XYLT1: variants seen among roughly 807,000 people sequenced by gnomAD.
XYLT1 encodes the protein xylosyltransferase 1.
In XYLT1, 36 loss-of-function variants were observed where a neutral mutation model predicts 91.3. The ratio of observed to expected loss-of-function variants is 0.39; its 90% CI spans 0.30 to 0.52. The LOEUF (loss-of-function observed/expected upper bound fraction) is 0.52, where lower values mean the gene tolerates loss of function less well. Ranked by LOEUF, XYLT1 falls within the 20% of genes least tolerant of loss-of-function variation. The pLI, the probability that XYLT1 is intolerant of heterozygous loss-of-function variation, is 0.68. For missense variants in XYLT1, 1,242 were observed against 1,284.5 expected, an observed-to-expected ratio of 0.97 and a Z score of 0.51; for synonymous variants, 588 against 532.0, an observed-to-expected ratio of 1.11 and a Z score of -1.45.
At chr16:17,378,219 A>C (rs1038615855) in intron 1 of XYLT1, among the ~76,000 whole-genome samples, 1 of 152,206 alleles carries the variant, frequency 6.6e-6, no homozygotes, top group African/African-American at 2.4e-5. Flanking sequence ...CGAATGTTGA[A>C]GGGACAATAT....
rs1966729611 is a variant in XYLT1, at chr16:17,103,187, A to C, written c.*5508T>G. 6.6e-6 allele frequency: 1 copy of C among 152,596 alleles called. No homozygotes were observed. The highest frequency in any genetic ancestry group is 6.5e-5 in the Admixed American group (1 of 15,280). The allele number at this position is 152,596 out of a possible 1,614,324, so 9.5% of individuals were successfully genotyped here. On this transcript the variant is annotated 3_prime_UTR_variant, in exon 12 of 12. Transcript: ENST00000261381. ...GGAAGGACGAAGAGATAAATGGAGA[A>C]CGTCTCCTGATTTACCCTTGAATGA...
chr16:17,460,799 G>C (rs548775131), intron 1 of XYLT1, among the ~76,000 whole-genome samples: 1 of 152,270 alleles, frequency 6.6e-6, no homozygotes, highest in South Asian at 2.1e-4. Flanking sequence ...TTAAATTCCA[G>C]GGCCTATTTA....
At chr16:17,339,016 T>C (rs952539124) in intron 2 of XYLT1, among the ~76,000 whole-genome samples, 1 of 152,120 alleles carries the variant, frequency 6.6e-6, no homozygotes, top group African/African-American at 2.4e-5. Context: ...AATTCAACTA[T>C]AAACAGTCAG....
intron 5 of XYLT1, 23 bp from the exon 6 acceptor site, chr16:17,158,932 G>C (rs2031483228): frequency 1.8e-5 from 29 of 1,609,348 alleles, no homozygotes; most frequent in Non-Finnish European, 2.5e-5. Flanking sequence ...ACCAAGGGGA[G>C]AGTCAGGCCA....
chr16:17,103,970 A>G lies in XYLT1; in HGVS notation c.*4725T>C, dbSNP rs1414369643. 2 of 152,916 alleles carry G rather than the reference A, an allele frequency of 1.3e-5. No individual in the cohort carries two copies. The highest frequency in any genetic ancestry group is 4.8e-5 in the African/African-American group (2 of 41,452). 9.5% of individuals were successfully genotyped at this position (152,916 alleles called of 1,614,324 possible). ...AGAGCCAGAGAGGAAGAGAGAGAGG[A>G]GAGAGAGAATTTGCATAGATCATAC... On this transcript the variant is annotated 3_prime_UTR_variant, in exon 12 of 12. Coordinates refer to ENST00000261381, the MANE Select transcript of XYLT1 (RefSeq NM_022166.4).
chr16:17,380,267 G>A (rs1055195443), intron 1 of XYLT1, among the ~76,000 whole-genome samples: 7 of 152,086 alleles, frequency 4.6e-5, no homozygotes, highest in South Asian at 2.1e-4. Flanking sequence ...CAGCCTGGGC[G>A]ACAGACCCAG....
chr16:17,414,243 G>A (rs1036940989), intron 1 of XYLT1, among the ~76,000 whole-genome samples: 5 of 152,120 alleles, frequency 3.3e-5, no homozygotes, highest in Non-Finnish European at 7.4e-5. Flanking sequence ...TATTTATTTG[G>A]TGGGCTTTAT....
At chr16:17,315,276 C>T (rs1375378710) in intron 2 of XYLT1, among the ~76,000 whole-genome samples, 2 of 152,248 alleles carry the variant, frequency 1.3e-5, no homozygotes, top group Non-Finnish European at 1.5e-5. Flanking sequence ...CTACCCTGGT[C>T]TCCATCTATC....
intron 10 of XYLT1, among the ~76,000 whole-genome samples, chr16:17,119,152 CTCTT>C (rs888055628): frequency 6.6e-6 from 1 of 152,186 alleles, no homozygotes; most frequent in African/African-American, 2.4e-5. Context: ...TGGTTCCCTG[CTCTT>C]TCTTGGTGCC....
intron 9 of XYLT1, among the ~76,000 whole-genome samples, chr16:17,128,485 A>G (rs989523591): frequency 3.3e-5 from 5 of 152,216 alleles, no homozygotes; most frequent in African/African-American, 1.2e-4. Context: ...TGCATTCAAC[A>G]TCTTTGAGCA....
intron 3 of XYLT1, among the ~76,000 whole-genome samples, chr16:17,218,577 C>T (rs893412757): frequency 1.3e-5 from 2 of 152,122 alleles, no homozygotes; most frequent in African/African-American, 4.8e-5. Flanking sequence ...AAGCTTTCAT[C>T]CATAGGTCCT....
intron 1 of XYLT1, among the ~76,000 whole-genome samples, chr16:17,421,646 A>C (rs2036252536): frequency 6.6e-6 from 1 of 152,192 alleles, no homozygotes; most frequent in East Asian, 1.9e-4. Context: ...AAGGAGGAAC[A>C]AAGCACCAGA....
chr16:17,382,646 G>A (rs192145477), intron 1 of XYLT1, among the ~76,000 whole-genome samples: 1 of 151,890 alleles, frequency 6.6e-6, no homozygotes, highest in East Asian at 2.0e-4. Flanking sequence ...CCCTACAGAG[G>A]AGCCAGTGTA....
chr16:17,410,216 T>A (rs1420008346), intron 1 of XYLT1, among the ~76,000 whole-genome samples: 2 of 152,240 alleles, frequency 1.3e-5, no homozygotes, highest in African/African-American at 2.4e-5. Flanking sequence ...AAAGGTGTAT[T>A]AGAGCCATAA....
chr16:17,293,302 T>TAGTATTTA (rs1414497137), intron 2 of XYLT1, among the ~76,000 whole-genome samples: 1 of 152,084 alleles, frequency 6.6e-6, no homozygotes, highest in Non-Finnish European at 1.5e-5. Flanking sequence ...ACCCAACAAC[T>TAGTATTTA]AGTATTTAAT....
chr16:17,160,548 T>G (rs1177155285), intron 5 of XYLT1, among the ~76,000 whole-genome samples: 2 of 152,000 alleles, frequency 1.3e-5, no homozygotes, highest in Non-Finnish European at 2.9e-5. Context: ...AAACACCAAT[T>G]CAAAACCAGC....
At chr16:17,152,694 G>A (rs1219277027) in intron 6 of XYLT1, among the ~76,000 whole-genome samples, 1 of 152,214 alleles carries the variant, frequency 6.6e-6, no homozygotes, top group Non-Finnish European at 1.5e-5. Context: ...TAGGGAGGCA[G>A]CTCAGATGCC....
At chr16:17,230,406 A>T (rs1259811347) in intron 3 of XYLT1, among the ~76,000 whole-genome samples, 1 of 152,112 alleles carries the variant, frequency 6.6e-6, no homozygotes, top group East Asian at 1.9e-4. Flanking sequence ...TTCCTGGGCT[A>T]GTTCCGATGT....
At chr16:17,115,667 G>A (rs1199121456) in intron 11 of XYLT1, among the ~76,000 whole-genome samples, 1 of 151,376 alleles carries the variant, frequency 6.6e-6, no homozygotes, top group African/African-American at 2.4e-5. Context: ...TTAGTAGATG[G>A]GGTTTCACCA....
Sources: gnomAD v4.1 joint callset for allele counts (sites outside exome capture counted in the v4.1 genomes callset) on GRCh38, gnomAD v4.1.1 for gene constraint, MANE v1.5 for transcripts, NCBI Gene and HGNC (gene_info 2026-07-23, HGNC 2026-07-21) for gene names.